CFAP97D2: variants seen among roughly 807,000 people sequenced by gnomAD.
The protein encoded by CFAP97D2 is CFAP97 domain containing 2.
rs552386370 is a variant in CFAP97D2, at chr13:114,185,255, C to A, written c.90+5835C>A. Among the ~76,000 whole-genome samples, 250 of 152,330 alleles carry A rather than the reference C, an allele frequency of 1.6e-3. 2 individuals carry two copies. Among genetic ancestry groups the A allele is most frequent in the Non-Finnish European group, 2.6e-3 (178 of 68,018 alleles). ...AGAGGTGAACAGTACCCGGAGCCCA[C>A]CCCTGGGAGCCCCCTGGAACCTGTC... On this transcript the variant is annotated intron_variant, in intron 1 of 4. Transcript: ENST00000646158. This position sits in a 1 kb window ranked among gnomAD's most constrained non-coding sequence, Gnocchi z 5.2.
chr13:114,207,864 T>C lies in CFAP97D2; in HGVS notation c.291-4048T>C, dbSNP rs1271980324. 1.3e-5 allele frequency among the ~76,000 whole-genome samples: 2 copies of C among 152,230 alleles called. No homozygotes were observed. Among genetic ancestry groups the C allele is most frequent in the Non-Finnish European group, 2.9e-5 (2 of 68,046 alleles). ...TGGTGGCTTTTAATCCCATTTTGGC[T>C]CTACAACTCAGGTCCAAAATATGTC... On this transcript the variant is annotated intron_variant, in intron 3 of 4. Coordinates refer to ENST00000646158, the Ensembl canonical transcript of CFAP97D2. The surrounding 1 kb of genome is among the most constrained non-coding windows in gnomAD (Gnocchi z 4.9).
chr13:114,193,996 T>TA (rs1345830876), intron 1 of CFAP97D2, among the ~76,000 whole-genome samples: 1 of 152,310 alleles, frequency 6.6e-6, no homozygotes, highest in Middle Eastern at 3.4e-3. Flanking sequence ...TAATGTCTTT[T>TA]AAAAAAACAA....
chr13:114,196,101 C>G (rs2080886035), intron 1 of CFAP97D2, among the ~76,000 whole-genome samples: 1 of 145,462 alleles, frequency 6.9e-6, no homozygotes, highest in Non-Finnish European at 1.5e-5. Flanking sequence ...AAAAAAGCCT[C>G]TTGGCAATAG....
At chr13:114,220,151 C>T (rs1026559868) in intron 4 of CFAP97D2, among the ~76,000 whole-genome samples, 8 of 152,200 alleles carry the variant, frequency 5.3e-5, no homozygotes, top group African/African-American at 9.6e-5. Context: ...ACACAGCCTT[C>T]AGAAGACCCT....
At chr13:114,191,847 A>G (rs2080870372) in intron 1 of CFAP97D2, among the ~76,000 whole-genome samples, 1 of 152,198 alleles carries the variant, frequency 6.6e-6, no homozygotes, top group Non-Finnish European at 1.5e-5. Flanking sequence ...CAGTAGGTAA[A>G]TGGATAAATA....
intron 3 of CFAP97D2, among the ~76,000 whole-genome samples, chr13:114,204,652 C>T (rs898495199): frequency 1.6e-4 from 24 of 152,184 alleles, no homozygotes; most frequent in African/African-American, 5.8e-4. Context: ...GTTGGACTCT[C>T]ACCTCACACC....
intron 3 of CFAP97D2, among the ~76,000 whole-genome samples, chr13:114,200,883 C>T (rs1304153721): frequency 3.9e-5 from 6 of 152,236 alleles, no homozygotes; most frequent in Non-Finnish European, 7.3e-5. Context: ...TCATGCAGTT[C>T]TCAAAGGTGT....
At chr13:114,219,262 G>C (rs1203122802) in intron 4 of CFAP97D2, among the ~76,000 whole-genome samples, 1 of 151,988 alleles carries the variant, frequency 6.6e-6, no homozygotes, top group Non-Finnish European at 1.5e-5. Flanking sequence ...TTTTAACCTA[G>C]TCCCAGAGGC....
chr13:114,192,658 A>G (rs2080873894), intron 1 of CFAP97D2, among the ~76,000 whole-genome samples: 1 of 152,212 alleles, frequency 6.6e-6, no homozygotes, highest in Non-Finnish European at 1.5e-5. Context: ...CAAATACTTC[A>G]CCAAAAAAGT....
chr13:114,204,206 A>G (rs117452887), intron 3 of CFAP97D2, among the ~76,000 whole-genome samples: 4,706 of 152,250 alleles, frequency 0.031, 133 homozygotes, highest in Non-Finnish European at 0.045. Context: ...GGGATTTTAT[A>G]GGGTGGCATT....
intron 4 of CFAP97D2, among the ~76,000 whole-genome samples, chr13:114,218,787 T>C (rs894046193): frequency 6.6e-6 from 1 of 152,246 alleles, no homozygotes; most frequent in Admixed American, 6.5e-5. Context: ...AAGGATTCCC[T>C]ATTTAATAAA....
chr13:114,196,274 G>T (rs1016419317), intron 1 of CFAP97D2, 122 bp from the exon 2 acceptor site: 1 of 397,418 alleles, frequency 2.5e-6, no homozygotes, highest in Admixed American at 4.4e-5. Flanking sequence ...GCCTCTTTCA[G>T]AACTTCAGGC....
chr13:114,182,399 C>A (rs892150096), intron 1 of CFAP97D2, among the ~76,000 whole-genome samples: 3 of 152,024 alleles, frequency 2.0e-5, no homozygotes, highest in Non-Finnish European at 2.9e-5. Context: ...ACATTCAGTT[C>A]CCAGGGGCAG....
chr13:114,205,946 G>A (rs2080937943), intron 3 of CFAP97D2, among the ~76,000 whole-genome samples: 1 of 152,230 alleles, frequency 6.6e-6, no homozygotes, highest in African/African-American at 2.4e-5. Flanking sequence ...CAGGAAGGAG[G>A]CCCTTCGACT....
rs2080860915 is a variant in CFAP97D2, at chr13:114,189,161, C to T, written c.91-7235C>T. ...TCAAGAAAGGAAAAAAGGAGCATCA[C>T]TACAATCCCTAGGATATTAAAAGGA... On this transcript the variant is annotated intron_variant, in intron 1 of 4. Coordinates refer to ENST00000646158, the Ensembl canonical transcript of CFAP97D2. This position sits in a 1 kb window ranked among gnomAD's most constrained non-coding sequence, Gnocchi z 4.5. Among the ~76,000 whole-genome samples, 1 of 151,394 alleles carries T rather than the reference C, an allele frequency of 6.6e-6. No individual in the cohort carries two copies. The highest frequency in any genetic ancestry group is 6.6e-5 in the Admixed American group (1 of 15,186).
chr13:114,182,013 A>G (rs1269647434), intron 1 of CFAP97D2, among the ~76,000 whole-genome samples: 1 of 152,132 alleles, frequency 6.6e-6, no homozygotes, highest in Non-Finnish European at 1.5e-5. Context: ...TAGAGAAATA[A>G]CAGTGGGCCC....
intron 1 of CFAP97D2, among the ~76,000 whole-genome samples, chr13:114,193,477 G>A (rs1187545473): frequency 2.0e-5 from 3 of 152,066 alleles, no homozygotes; most frequent in African/African-American, 7.2e-5. Flanking sequence ...TCTTCTTGCT[G>A]TGTCCTCATA....
At position 114,185,832 on chromosome 13, in the gene CFAP97D2, G is replaced by GC. The variant is rs138356039; in HGVS notation, c.90+6413dup. 0.012 allele frequency among the ~76,000 whole-genome samples: 1,767 copies of GC among 152,340 alleles called. 96 individuals are homozygous for GC. Among genetic ancestry groups the GC allele is most frequent in the Admixed American group, 0.081 (1,243 of 15,308 alleles). Reference sequence around the variant, plus strand: ...GGATGCAGAGGACAGCACAGTGCTGGCTGCGTGCCTCTTGGCATGAACAGC... The same window carrying GC: ...GGATGCAGAGGACAGCACAGTGCTGGCCTGCGTGCCTCTTGGCATGAACAGC... On this transcript the variant is annotated intron_variant, in intron 1 of 4. Transcript: ENST00000646158. This position sits in a 1 kb window ranked among gnomAD's most constrained non-coding sequence, Gnocchi z 5.2.
chr13:114,198,019 C>T (rs1477734478), intron 2 of CFAP97D2, among the ~76,000 whole-genome samples: 3 of 152,030 alleles, frequency 2.0e-5, no homozygotes, highest in Non-Finnish European at 4.4e-5. Flanking sequence ...GACGGAGTCT[C>T]GCTCTGTTGC....
Sources: gnomAD v4.1 joint callset for allele counts (sites outside exome capture counted in the v4.1 genomes callset) on GRCh38, gnomAD v4.1.1 for gene constraint, Gnocchi (gnomAD v3.1) non-coding constraint, MANE v1.5 for transcripts, NCBI Gene and HGNC (gene_info 2026-07-23, HGNC 2026-07-21) for gene names.